DAPK1: variants seen among roughly 807,000 people sequenced by gnomAD.
The protein encoded by DAPK1 is death associated protein kinase 1.
In DAPK1, 56 loss-of-function variants were observed where a neutral mutation model predicts 144.9. The observed-to-expected ratio is 0.39, with a 90% confidence interval of 0.31 to 0.48. The LOEUF (loss-of-function observed/expected upper bound fraction) is 0.48, where lower values mean the gene tolerates loss of function less well. Ranked by LOEUF, DAPK1 falls within the 20% of genes least tolerant of loss-of-function variation. The probability of loss-of-function intolerance (pLI) is 0.95; values close to 1 mark genes in which losing one functional copy is unlikely to be tolerated. For synonymous variants in DAPK1, 690 were observed against 749.0 expected, an observed-to-expected ratio of 0.92 and a Z score of 1.29; for missense variants, 1,454 against 1,875.4, an observed-to-expected ratio of 0.78 and a Z score of 4.15.
At chr9:87,639,765 T>C in intron 6 of DAPK1, 24 bp from the exon 7 acceptor site, 1 of 1,613,494 alleles carries the variant, frequency 6.2e-7, no homozygotes, top group Non-Finnish European at 8.5e-7. Context: ...ACATGTTTTT[T>C]TGTTTGTTTT....
In DAPK1 at chr9:87,580,073, A is replaced by G. The variant is rs557111767; in HGVS notation, c.63-24881A>G. Among the ~76,000 whole-genome samples the G allele has an allele frequency of 3.3e-5, 5 of 152,232 alleles. No homozygotes were observed. In the East Asian group the frequency reaches 9.7e-4, roughly 29 times the overall value. ...AAAACAGTCCATGGAGCTAAATTTG[A>G]CATGTAATAATCATGTCATTATATA... On this transcript the variant is annotated intron_variant, in intron 2 of 25. Coordinates refer to ENST00000408954, the MANE Select transcript of DAPK1 (RefSeq NM_004938.4).
chr9:87,603,530 A>C (rs1327463434), intron 2 of DAPK1, among the ~76,000 whole-genome samples: 3 of 152,218 alleles, frequency 2.0e-5, no homozygotes, highest in Non-Finnish European at 4.4e-5. Flanking sequence ...TCCTACTGCT[A>C]AAGTAAATGA....
At chr9:87,558,570 A>G (rs1459247088) in intron 2 of DAPK1, among the ~76,000 whole-genome samples, 3 of 152,202 alleles carry the variant, frequency 2.0e-5, no homozygotes, top group Non-Finnish European at 4.4e-5. Flanking sequence ...ATTGCACACC[A>G]ACGTCCCTTT....
intron 2 of DAPK1, among the ~76,000 whole-genome samples, chr9:87,536,898 T>C (rs1373668350): frequency 6.6e-6 from 1 of 152,018 alleles, no homozygotes; most frequent in Non-Finnish European, 1.5e-5. Context: ...TCTAGTGGAG[T>C]AGTGGTGTTA....
intron 3 of DAPK1, among the ~76,000 whole-genome samples, chr9:87,628,580 G>A (rs190461728): frequency 6.6e-6 from 1 of 152,148 alleles, no homozygotes; most frequent in African/African-American, 2.4e-5. Flanking sequence ...ACCCTTCAAG[G>A]CTTCCCCTAA....
intron 2 of DAPK1, among the ~76,000 whole-genome samples, chr9:87,564,608 G>A (rs1461699946): frequency 2.6e-5 from 4 of 151,186 alleles, no homozygotes; most frequent in Non-Finnish European, 5.9e-5. Context: ...GAGAGAGAGA[G>A]AGGAGGAAGG....
intron 2 of DAPK1, among the ~76,000 whole-genome samples, chr9:87,602,753 C>T (rs575116919): frequency 3.3e-5 from 5 of 152,284 alleles, no homozygotes; most frequent in Admixed American, 3.3e-4. Flanking sequence ...CCTGCCTCAG[C>T]CTCCTGAGTA....
At chr9:87,661,856 T>C (rs971587276) in intron 18 of DAPK1, among the ~76,000 whole-genome samples, 4 of 152,214 alleles carry the variant, frequency 2.6e-5, no homozygotes, top group Admixed American at 1.3e-4. Flanking sequence ...TTTTTAGTTA[T>C]GTTCCGTATG....
At chr9:87,509,418 A>G (rs910669418) in intron 2 of DAPK1, among the ~76,000 whole-genome samples, 10 of 152,032 alleles carry the variant, frequency 6.6e-5, no homozygotes, top group South Asian at 2.1e-4. Flanking sequence ...CTGGAGTGCA[A>G]TGGCGCAATC....
intron 3 of DAPK1, among the ~76,000 whole-genome samples, chr9:87,627,847 C>A (rs1829541897): frequency 6.6e-6 from 1 of 152,134 alleles, no homozygotes; most frequent in African/African-American, 2.4e-5. Context: ...GAGTTCAGGC[C>A]AAGGATTGCT....
chr9:87,623,307 A>G (rs1438994201), intron 3 of DAPK1, among the ~76,000 whole-genome samples: 1 of 152,210 alleles, frequency 6.6e-6, no homozygotes, highest in Non-Finnish European at 1.5e-5. Flanking sequence ...GATTACATTA[A>G]AAATCTTCCT....
intron 2 of DAPK1, among the ~76,000 whole-genome samples, chr9:87,500,482 G>T (rs2117980329): frequency 6.6e-6 from 1 of 152,174 alleles, no homozygotes; most frequent in East Asian, 1.9e-4. Flanking sequence ...CTTTGGGACT[G>T]GAAGAAAAAA....
intron 17 of DAPK1, among the ~76,000 whole-genome samples, chr9:87,653,702 A>AC (rs5899009): frequency 0.33 from 50,247 of 150,910 alleles, 9,568 homozygotes; most frequent in East Asian, 0.54. Flanking sequence ...CATTATTATT[A>AC]TTTTTTTTGA....
Position 87,649,981 on chromosome 9 carries a change from C to T in DAPK1, c.1489C>T (p.Leu497Phe). ...WHGYYSVAKA[L>F]CEAGCNVNIK... Reference sequence around the variant, plus strand: ...CGGCTATTACTCTGTGGCCAAAGCCCTTTGTGAAGCCGGCTGTAACGTGAA... The same window carrying T: ...CGGCTATTACTCTGTGGCCAAAGCCTTTTGTGAAGCCGGCTGTAACGTGAA... The change falls in exon 16 of 26, where the codon CTT becomes TTT. Residue 497 changes from leucine to phenylalanine, a missense_variant. Leu to Phe is a conservative substitution (Grantham distance 22, BLOSUM62 0). This residue lies in a region of DAPK1 where 429 missense variants were observed against 637.5 expected (regional missense o/e 0.67). Coordinates refer to ENST00000408954, the MANE Select transcript of DAPK1 (RefSeq NM_004938.4). 1 of 1,614,178 alleles carries T rather than the reference C, an allele frequency of 6.2e-7. No individual in the cohort carries two copies. Among genetic ancestry groups the T allele is most frequent in the Non-Finnish European group, 8.5e-7 (1 of 1,180,038 alleles).
chr9:87,539,003 A>G lies in DAPK1; in HGVS notation c.62+39864A>G, dbSNP rs1197567708. Among the ~76,000 whole-genome samples, 4 of 150,114 alleles carry G rather than the reference A, an allele frequency of 2.7e-5. No individual in the cohort carries two copies. The East Asian group carries it at 7.7e-4, about 29-fold the overall frequency. ...ATATTTTATTTATATTTAAACATAT[A>G]TAGTTTAAAATATAAAATTAAATTA... On this transcript the variant is annotated intron_variant, in intron 2 of 25. Transcript: ENST00000408954.
rs1050139432 is a variant in DAPK1, at chr9:87,643,429, C to G, written c.972C>G (p.Ser324=). The G allele has an allele frequency of 1.2e-6, 2 of 1,609,512 alleles. No homozygotes were observed. Among genetic ancestry groups the G allele is most frequent in the Non-Finnish European group, 1.7e-6 (2 of 1,178,668 alleles). The stretch of plus-strand genomic sequence containing the variant: ...AAAGATTATCCAGGTCATTCCTGTC[C>G]AGAAGTAACATGAGTGTTGCCAGAA... ...LCQRLSRSFL[S]RSNMSVARSD... is the part of the protein sequence containing the mutation. The change falls in exon 11 of 26, where the codon TCC becomes TCG. Residue 324 remains serine (S), a synonymous_variant. Coordinates refer to ENST00000408954, the MANE Select transcript of DAPK1 (RefSeq NM_004938.4).
intron 4 of DAPK1, among the ~76,000 whole-genome samples, chr9:87,638,714 C>G (rs1041531703): frequency 4.6e-5 from 7 of 152,198 alleles, no homozygotes; most frequent in African/African-American, 1.7e-4. Flanking sequence ...GTAGTTGATT[C>G]AGACCAGTAG....
intron 21 of DAPK1, among the ~76,000 whole-genome samples, chr9:87,693,274 T>G (rs189446974): frequency 8.8e-4 from 134 of 152,098 alleles, no homozygotes; most frequent in African/African-American, 3.1e-3. Context: ...TTTTTTATTT[T>G]TATTTTTTTA....
intron 2 of DAPK1, among the ~76,000 whole-genome samples, chr9:87,519,439 T>TTCC (rs1007055161): frequency 3.3e-5 from 5 of 152,180 alleles, no homozygotes; most frequent in African/African-American, 9.6e-5. Flanking sequence ...CTGAGGATGA[T>TTCC]TGGTTGATTT....
Sources: gnomAD v4.1 joint callset for allele counts (sites outside exome capture counted in the v4.1 genomes callset) on GRCh38, gnomAD v4.1.1 for gene constraint, gnomAD v4.1.1 regional missense constraint, MANE v1.5 for transcripts, NCBI Gene and HGNC (gene_info 2026-07-23, HGNC 2026-07-21) for gene names.